MKI67: variants seen among roughly 807,000 people sequenced by gnomAD.
MKI67 encodes the protein proliferation marker protein Ki-67.
In MKI67, 152 loss-of-function variants were observed where a neutral mutation model predicts 233.5. The ratio of observed to expected loss-of-function variants is 0.65; its 90% CI spans 0.57 to 0.74. MKI67 has a LOEUF of 0.74. MKI67 is among the 30% of genes least tolerant of loss of function. The pLI is 0.00. For missense variants in MKI67, 3,940 were observed against 3,885.2 expected, an observed-to-expected ratio of 1.01 and a Z score of -0.37; for synonymous variants, 1,465 against 1,418.5, an observed-to-expected ratio of 1.03 and a Z score of -0.74.
rs1255987243 is a variant in MKI67, at chr10:128,104,617, A to G, written c.7223T>C (p.Val2408Ala). Residue 2408 changes from valine to alanine, a missense_variant, in exon 13 of 15, where the codon GTG becomes GCG. Coordinates refer to ENST00000368654, the MANE Select transcript of MKI67 (RefSeq NM_002417.5). Reference sequence around the variant, plus strand: ...ATTTCCTAGCAGGTCCAGTTTCTGCACTGGAGTTTCCACAAATGTGTTGAT... The same window carrying G: ...ATTTCCTAGCAGGTCCAGTTTCTGCGCTGGAGTTTCCACAAATGTGTTGAT... ...KNINTFVETP[V>A]QKLDLLGNLP... 1 of 1,613,776 alleles carries G rather than the reference A, an allele frequency of 6.2e-7. No individual in the cohort carries two copies. The highest frequency in any genetic ancestry group is 1.3e-5 in the African/African-American group (1 of 74,788).
chr10:128,113,914 G>A lies in MKI67; in HGVS notation c.1481-312C>T, dbSNP rs114030008. Among the ~76,000 whole-genome samples, 848 of 145,892 alleles carry A rather than the reference G, an allele frequency of 5.8e-3. 5 individuals are homozygous for A. Among genetic ancestry groups the A allele is most frequent in the African/African-American group, 0.011 (439 of 40,876 alleles). ...AGATTTCACCTTAGAGTAGGGGGACGACAGCCAGAGAACTCTCTAAAGACA... is the reference window on the plus strand; with the variant it reads ...AGATTTCACCTTAGAGTAGGGGGACAACAGCCAGAGAACTCTCTAAAGACA... On this transcript the variant is annotated intron_variant, in intron 7 of 14. Coordinates refer to ENST00000368654, the MANE Select transcript of MKI67 (RefSeq NM_002417.5).
At position 128,101,335 on chromosome 10, in the gene MKI67, C is replaced by A. The variant is rs775652369; in HGVS notation, c.9628G>T (p.Ala3210Ser). ...GATTTGCTCTCCAAAGTGCTTGCTG[C>A]AGGCTGGCTTTTTGTCTTTCTTGAT... is the stretch of plus-strand genomic sequence containing the variant. The part of the protein sequence containing the change: ...LRSRKTKSQP[A>S]ASTLESKSVQ... The change falls in exon 14 of 15, where the codon GCA becomes TCA. Residue 3210 changes from alanine to serine, a missense_variant. Coordinates refer to ENST00000368654, the MANE Select transcript of MKI67 (RefSeq NM_002417.5). 6.2e-7 allele frequency: 1 copy of A among 1,614,230 alleles called. No individual in the cohort carries two copies. The highest frequency in any genetic ancestry group is 1.1e-5 in the South Asian group (1 of 91,090).
rs200066187 is a variant in MKI67 at position 128,119,363 on chromosome 10, C to A, written c.288-44G>T. The A allele has an allele frequency of 7.8e-6, 11 of 1,412,566 alleles. No homozygotes were observed. In the African/African-American group the frequency reaches 1.3e-4, roughly 16 times the overall value. The allele number at this position is 1,412,566 out of a possible 1,614,324, so 87.5% of individuals were successfully genotyped here. A position where few individuals can be genotyped will look rare whatever the true frequency, so the allele number is the denominator to read the frequency against. ...CAAAGATCCTGATTAAAAATTTATA[C>A]CCTGGGGCGGAAGTCTCCATATCCA... On this transcript the variant is annotated intron_variant, in intron 4 of 14. Transcript: ENST00000368654.
In MKI67 at chr10:128,102,747, C is replaced by A. The variant is rs1027356786; in HGVS notation, c.9093G>T (p.Gln3031His). The A allele has an allele frequency of 6.2e-7, 1 of 1,614,258 alleles. No individual in the cohort carries two copies. ...TGCCTCTTGCCCTGGGAGCAACCCT[C>A]TGCTTCTTGCTGGCTGGCAGCTCCT... is the stretch of plus-strand genomic sequence containing the variant. ...IVEELPASKKQRVAPRARGKS... is the reference protein window; with the variant it reads ...IVEELPASKKHRVAPRARGKS... The change falls in exon 13 of 15, where the codon CAG (glutamine) becomes CAT (histidine). Residue 3031 changes from glutamine (Q) to histidine (H), a missense_variant. Physicochemically the swap from Gln to His is conservative, Grantham distance 24. Transcript: ENST00000368654.
At position 128,115,676 on chromosome 10, in the gene MKI67, C is replaced by T. The variant is rs1378448818; in HGVS notation, c.732G>A (p.Val244=). The change falls in exon 7 of 15, where the codon GTG becomes GTA. Residue 244 remains valine, a synonymous_variant. Transcript: ENST00000368654. The part of the protein sequence containing the change: ...ESPFWKLYES[V]KKELDVKSQK... ...GTGATTTTACATCCAACTCTTTCTT[C>T]ACTGACTCATAAAGCTTCCAAAAGG... The T allele has an allele frequency of 1.9e-6, 3 of 1,613,702 alleles. No homozygotes were observed. In the African/African-American group the frequency reaches 4.0e-5, roughly 22 times the overall value.
At chr10:128,117,962 T>C (rs1452910348) in intron 5 of MKI67, among the ~76,000 whole-genome samples, 1 of 152,226 alleles carries the variant, frequency 6.6e-6, no homozygotes, top group East Asian at 1.9e-4. Flanking sequence ...ACTGGCTTTT[T>C]GGTTTATTTA....
In MKI67 at chr10:128,115,010, T is replaced by G. The variant is rs757873177; in HGVS notation, c.1398A>C (p.Lys466Asn). ...IQKDSLSKPE[K>N]LGTTAGQMCS... ...ACATCTGTCCAGCTGTAGTGCCCAA[T>G]TTCTCAGGCTTGCTGAGGGAATCCT... The change falls in exon 7 of 15, where the codon AAA (lysine) becomes AAC (asparagine). Residue 466 changes from lysine (K) to asparagine (N), a missense_variant. Transcript: ENST00000368654. 1.9e-6 allele frequency: 3 copies of G among 1,610,784 alleles called. No individual in the cohort carries two copies. The Admixed American group carries it at 5.0e-5, about 27-fold the overall frequency.
intron 2 of MKI67, among the ~76,000 whole-genome samples, chr10:128,124,290 A>T (rs1487640863): frequency 2.0e-5 from 3 of 152,166 alleles, no homozygotes; most frequent in Non-Finnish European, 4.4e-5. Context: ...ACAACTGAGA[A>T]TTTGTTTGGC....
In MKI67 at chr10:128,103,390, T is replaced by C. The variant is rs201651898; in HGVS notation, c.8450A>G (p.Asp2817Gly). ...AAGHTEESMT[D>G]DKTTKIPCKS... ...GCAGGGTATTTTAGTGGTTTTGTCA[T>C]CAGTCATTGATTCTTCAGTGTGACC... The change falls in exon 13 of 15, where the codon GAT (aspartate) becomes GGT (glycine). Residue 2817 changes from aspartate (D) to glycine (G), a missense_variant. Coordinates refer to ENST00000368654, the MANE Select transcript of MKI67 (RefSeq NM_002417.5). 71 of 1,613,966 alleles carry C rather than the reference T, an allele frequency of 4.4e-5. No homozygotes were observed. The East Asian group carries it at 1.4e-3, about 31-fold the overall frequency.
At position 128,105,608 on chromosome 10, in the gene MKI67, C is replaced by T. The variant is rs745469128; in HGVS notation, c.6232G>A (p.Gly2078Ser). 5.6e-6 allele frequency: 9 copies of T among 1,613,764 alleles called. No individual in the cohort carries two copies. Among genetic ancestry groups the T allele is most frequent in the Middle Eastern group, 1.6e-4 (1 of 6,084 alleles). ...EEAQSLEDLA[G>S]FKELFQTPDH... ...GGTGTCTGGAAGAGCTCTTTGAAGCCGGCCAGGTCTTCTAGTGATTGGGCC... is the reference window on the plus strand; with the variant it reads ...GGTGTCTGGAAGAGCTCTTTGAAGCTGGCCAGGTCTTCTAGTGATTGGGCC... The change falls in exon 13 of 15, where the codon GGC becomes AGC. Residue 2078 changes from glycine (G) to serine (S), a missense_variant. Physicochemically the swap from Gly to Ser is moderately conservative, Grantham distance 56 (BLOSUM62 0). Transcript: ENST00000368654.
rs549273110 is a variant in MKI67 at position 128,107,283 on chromosome 10, G to A, written c.4557C>T (p.Asp1519=). 4.8e-5 allele frequency: 78 copies of A among 1,613,988 alleles called. No individual in the cohort carries two copies. The highest frequency in any genetic ancestry group is 4.8e-4 in the South Asian group (44 of 91,074). ...TGAGTGCGAAGAATTCTTCTTCTAC[G>A]TCCACTTTCCTGAGACTTCTCTTGG... ...PQSKRSLRKV[D]VEEEFFALRK... The change falls in exon 13 of 15, where the codon GAC becomes GAT. Residue 1519 remains aspartate, a synonymous_variant. Transcript: ENST00000368654.
chr10:128,112,509 TA>T, intron 8 of MKI67, 64 bp from the exon 9 acceptor site: 1 of 1,442,184 alleles, frequency 6.9e-7, no homozygotes. Context: ...GAATGACTGA[TA>T]AAAACCTATT....
Position 128,105,895 on chromosome 10 carries a change from T to C in MKI67, c.5945A>G (p.Lys1982Arg). 6.2e-7 allele frequency: 1 copy of C among 1,613,912 alleles called. No homozygotes were observed. Among genetic ancestry groups the C allele is most frequent in the Non-Finnish European group, 8.5e-7 (1 of 1,179,948 alleles). Reference protein sequence around the residue: ...TDDKITEVSCKSPQPDPVKTP... With the variant: ...TDDKITEVSCRSPQPDPVKTP... ...TTTGACTGGGTCTGGTTGTGGAGAT[T>C]TGCAGGATACTTCTGTGATTTTGTC... Residue 1982 changes from lysine (K) to arginine (R), a missense_variant, in exon 13 of 15, where the codon AAA becomes AGA. Transcript: ENST00000368654.
rs144166622 is a variant in MKI67, at chr10:128,108,998, T to A, written c.2842A>T (p.Met948Leu). The A allele has an allele frequency of 2.5e-5, 41 of 1,614,236 alleles. No homozygotes were observed. Among genetic ancestry groups the A allele is most frequent in the Admixed American group, 8.3e-5 (5 of 60,032 alleles). Reference protein sequence around the residue: ...LKENDEKMKAMKRSRTWGQKC... With the variant: ...LKENDEKMKALKRSRTWGQKC... ...TGCCCCCAAGTTCTTGATCTCTTCA[T>A]TGCTTTCATCTTTTCATCGTTTTCT... The change falls in exon 13 of 15, where the codon ATG becomes TTG. Residue 948 changes from methionine to leucine, a missense_variant. By Grantham distance (15) the Met-to-Leu change is conservative (BLOSUM62 2). Coordinates refer to ENST00000368654, the MANE Select transcript of MKI67 (RefSeq NM_002417.5).
chr10:128,097,277 T>C lies in MKI67; in HGVS notation c.*1913A>G, dbSNP rs755989680. ...GAATGGGCAGTATTTGTCAGATCTC[T>C]CCCTCCCCCAGTACCAAGGAGGGTT... On this transcript the variant is annotated 3_prime_UTR_variant, in exon 15 of 15. Transcript: ENST00000368654. 1 of 152,038 alleles carries C rather than the reference T, an allele frequency of 6.6e-6. No individual in the cohort carries two copies. The highest frequency in any genetic ancestry group is 2.4e-5 in the African/African-American group (1 of 41,376). 9.4% of individuals were successfully genotyped at this position (152,038 alleles called of 1,614,324 possible).
In MKI67 at chr10:128,097,363, C is replaced by T. The variant is rs796213824; in HGVS notation, c.*1827G>A. ...TAGCCCTTAAATGAACATTTTTAACCCATCATCAACAGCCCTGTAAAATGA... is the reference window on the plus strand; with the variant it reads ...TAGCCCTTAAATGAACATTTTTAACTCATCATCAACAGCCCTGTAAAATGA... On this transcript the variant is annotated 3_prime_UTR_variant, in exon 15 of 15. Transcript: ENST00000368654. 42 of 152,206 alleles carry T rather than the reference C, an allele frequency of 2.8e-4. No homozygotes were observed. The highest frequency in any genetic ancestry group is 9.9e-4 in the African/African-American group (41 of 41,504). The allele number at this position is 152,206 out of a possible 1,614,324, so 9.4% of individuals were successfully genotyped here. A position where few individuals can be genotyped will look rare whatever the true frequency, so the allele number is the denominator to read the frequency against.
rs189424344 is a variant in MKI67 at position 128,101,688 on chromosome 10, C to T, written c.9275G>A (p.Arg3092His). ...SVPENKGISLRSRRQNKTEAE... is the reference protein window; with the variant it reads ...SVPENKGISLHSRRQNKTEAE... Reference sequence around the variant, plus strand: ...CTCAGTCTTATTTTGGCGTCTGGAGCGCAGGGATATTCCCTAAAGAAATGA... The same window carrying T: ...CTCAGTCTTATTTTGGCGTCTGGAGTGCAGGGATATTCCCTAAAGAAATGA... The change falls in exon 14 of 15, where the codon CGC becomes CAC. Residue 3092 changes from arginine to histidine, a missense_variant. Arg to His is a conservative substitution (Grantham distance 29, BLOSUM62 0). Coordinates refer to ENST00000368654, the MANE Select transcript of MKI67 (RefSeq NM_002417.5). 5.4e-5 allele frequency: 86 copies of T among 1,595,318 alleles called. No individual in the cohort carries two copies. In the East Asian group the frequency reaches 1.2e-3, roughly 22 times the overall value.
In MKI67 at chr10:128,103,152, T is replaced by G. The variant is rs759398898; in HGVS notation, c.8688A>C (p.Glu2896Asp). ...KQPAKRKLDA[E>D]DVIGSRRQPR... ...GCTGTCTCCTGCTGCCAATTACATC[T>G]TCTGCGTCCAGCTTCCGCTTTGCAG... Residue 2896 changes from glutamate to aspartate, a missense_variant, in exon 13 of 15, where the codon GAA (glutamate) becomes GAC (aspartate). Glu to Asp is a conservative substitution (Grantham distance 45). Coordinates refer to ENST00000368654, the MANE Select transcript of MKI67 (RefSeq NM_002417.5). 1 of 1,614,074 alleles carries G rather than the reference T, an allele frequency of 6.2e-7. No homozygotes were observed. The highest frequency in any genetic ancestry group is 1.7e-5 in the Admixed American group (1 of 60,016).
At chr10:128,116,135 A>G (rs1852802630) in intron 6 of MKI67, 128 bp from the exon 7 acceptor site, 3 of 1,053,658 alleles carry the variant, frequency 2.8e-6, no homozygotes, top group Non-Finnish European at 4.1e-6. Context: ...CCTACAAATT[A>G]TTTAATGCCT....
Sources: allele counts gnomAD v4.1 joint callset (sites outside exome capture counted in the v4.1 genomes callset), GRCh38; gene constraint gnomAD v4.1.1; transcripts MANE v1.5; gene names NCBI Gene and HGNC (gene_info 2026-07-23, HGNC 2026-07-21).